TMEM74: variants seen among roughly 807,000 people sequenced by gnomAD.
TMEM74 encodes the protein transmembrane protein 74.
In TMEM74, 13 loss-of-function variants were observed where a neutral mutation model predicts 18.1. The ratio of observed to expected loss-of-function variants is 0.72; its 90% CI spans 0.47 to 1.14. The LOEUF (loss-of-function observed/expected upper bound fraction) is 1.14, where lower values mean the gene tolerates loss of function less well. Ranked by LOEUF, TMEM74 falls within the 50% of genes most tolerant of loss-of-function variation. TMEM74 has a pLI of 0.00. For missense variants in TMEM74, 372 were observed against 375.9 expected (o/e 0.99, Z 0.09); for synonymous variants, 159 against 146.6 (o/e 1.08, Z -0.61).
intron 2 of TMEM74, among the ~76,000 whole-genome samples, chr8:108,613,752 A>T (rs1812357385): frequency 6.6e-6 from 1 of 152,188 alleles, no homozygotes; most frequent in African/African-American, 2.4e-5. Flanking sequence ...TTGGCTTTTC[A>T]TCTTGGCTAG....
At chr8:108,631,633 A>C (rs1032904574) in intron 2 of TMEM74, among the ~76,000 whole-genome samples, 1 of 152,014 alleles carries the variant, frequency 6.6e-6, no homozygotes, top group Non-Finnish European at 1.5e-5. Context: ...TGTCGGATGC[A>C]TAGTTTGCAA....
chr8:108,726,326 T>C (rs1365416514), intron 1 of TMEM74, among the ~76,000 whole-genome samples: 1 of 152,166 alleles, frequency 6.6e-6, no homozygotes, highest in Admixed American at 6.6e-5. Flanking sequence ...AGTTTATGTG[T>C]CACTTGGAAA....
Position 108,784,561 on chromosome 8 carries a change from T to C in TMEM74, c.538A>G (p.Ser180Gly). ...CCAGTGACCAAGAACAAGATGGCGC[T>C]GATGAAACCATAGTCTATAGACTTC... ...SGKSIDYGFISAILFLVTGIL... is the reference protein window; with the variant it reads ...SGKSIDYGFIGAILFLVTGIL... The change falls in exon 2 of 2, where the codon AGC becomes GGC. Residue 180 changes from serine to glycine, a missense_variant. Physicochemically the swap from Ser to Gly is moderately conservative, Grantham distance 56. Transcript: ENST00000297459. 1 of 1,614,142 alleles carries C rather than the reference T, an allele frequency of 6.2e-7. No individual in the cohort carries two copies. Among genetic ancestry groups the C allele is most frequent in the Non-Finnish European group, 8.5e-7 (1 of 1,180,030 alleles).
At chr8:108,713,523 G>C (rs981043428) in intron 1 of TMEM74, among the ~76,000 whole-genome samples, 1 of 152,126 alleles carries the variant, frequency 6.6e-6, no homozygotes, top group Non-Finnish European at 1.5e-5. Context: ...ATGATACATG[G>C]ATTCAGCTAT....
At chr8:108,678,217 T>C (rs1309941986) in intron 1 of TMEM74, among the ~76,000 whole-genome samples, 1 of 152,196 alleles carries the variant, frequency 6.6e-6, no homozygotes, top group Non-Finnish European at 1.5e-5. Context: ...GGATATTAGG[T>C]GAAAAGTGCA....
chr8:108,748,664 C>T (rs1175827756), intron 1 of TMEM74, among the ~76,000 whole-genome samples: 1 of 149,196 alleles, frequency 6.7e-6, no homozygotes, highest in Non-Finnish European at 1.5e-5. Context: ...TATGGTATTG[C>T]CATAGGTTTT....
intron 1 of TMEM74, among the ~76,000 whole-genome samples, chr8:108,722,111 G>C (rs1298138974): frequency 2.0e-5 from 3 of 152,164 alleles, no homozygotes; most frequent in African/African-American, 7.2e-5. Context: ...TTAAGACTAT[G>C]ATCAATTTGG....
Position 108,784,693 on chromosome 8 carries a change from G to C in TMEM74, c.406C>G (p.Pro136Ala). 6.2e-7 allele frequency: 1 copy of C among 1,614,150 alleles called. No individual in the cohort carries two copies. The highest frequency in any genetic ancestry group is 2.2e-5 in the East Asian group (1 of 44,878). Residue 136 changes from proline (P) to alanine (A), a missense_variant, in exon 2 of 2, where the codon CCT (proline) becomes GCT (alanine). Coordinates refer to ENST00000297459, the MANE Select transcript of TMEM74 (RefSeq NM_153015.3). ...GGATTTTCCCAGCCAAGCTCCCCAG[G>C]GTGATTATGCCCTTTTGCTGATGGC... ...SSPSAKGHNH[P>A]GELGWENPNE...
chr8:108,674,677 C>A (rs1046571819), intron 1 of TMEM74, among the ~76,000 whole-genome samples: 1 of 152,144 alleles, frequency 6.6e-6, no homozygotes, highest in Admixed American at 6.5e-5. Context: ...ATTAACATGT[C>A]ACTTGGACCA....
chr8:108,628,313 A>G (rs1812516456), intron 2 of TMEM74, among the ~76,000 whole-genome samples: 1 of 152,036 alleles, frequency 6.6e-6, no homozygotes, highest in Non-Finnish European at 1.5e-5. Flanking sequence ...AACCTAGAAC[A>G]CTTCAGGAAC....
At chr8:108,759,714 G>C (rs752646162) in intron 1 of TMEM74, among the ~76,000 whole-genome samples, 1 of 152,136 alleles carries the variant, frequency 6.6e-6, no homozygotes, top group African/African-American at 2.4e-5. Flanking sequence ...AAAATATTTG[G>C]AAGTTTACAT....
chr8:108,731,079 A>G (rs917660989), intron 1 of TMEM74, among the ~76,000 whole-genome samples: 3 of 152,004 alleles, frequency 2.0e-5, no homozygotes, highest in African/African-American at 7.2e-5. Context: ...TTATTTTCAT[A>G]TCTTTTTCAT....
chr8:108,641,279 C>T (rs1812662717), intron 2 of TMEM74, among the ~76,000 whole-genome samples: 1 of 152,076 alleles, frequency 6.6e-6, no homozygotes, highest in Non-Finnish European at 1.5e-5. Context: ...AATATATACT[C>T]ATTACAGACA....
At chr8:108,630,489 T>C (rs1328714662) in intron 2 of TMEM74, among the ~76,000 whole-genome samples, 2 of 152,076 alleles carry the variant, frequency 1.3e-5, no homozygotes, top group Non-Finnish European at 2.9e-5. Flanking sequence ...CTAATAGACA[T>C]GTACAGAACT....
At chr8:108,751,469 A>G (rs1449328722) in intron 1 of TMEM74, among the ~76,000 whole-genome samples, 5 of 152,076 alleles carry the variant, frequency 3.3e-5, no homozygotes, top group Non-Finnish European at 7.4e-5. Flanking sequence ...TCAAGATTAT[A>G]TATTTAGAAA....
intron 1 of TMEM74, among the ~76,000 whole-genome samples, chr8:108,771,446 CA>C (rs950755162): frequency 5.4e-4 from 82 of 152,104 alleles, no homozygotes; most frequent in African/African-American, 1.9e-3. Flanking sequence ...TAACAAAATA[CA>C]AAAAAATTAT....
chr8:108,706,383 C>T (rs1016344433), intron 1 of TMEM74, among the ~76,000 whole-genome samples: 12 of 152,186 alleles, frequency 7.9e-5, no homozygotes, highest in Admixed American at 5.2e-4. Flanking sequence ...CATGCTTCCT[C>T]ATAGGGTCTT....
downstream of TMEM74, among the ~76,000 whole-genome samples, chr8:108,775,763 G>A (rs543500124): frequency 6.6e-5 from 10 of 152,158 alleles, no homozygotes; most frequent in South Asian, 2.1e-4. Context: ...TATTCTGTTC[G>A]CAATCAAGAA....
At chr8:108,733,311 G>A (rs1349779949) in intron 1 of TMEM74, among the ~76,000 whole-genome samples, 1 of 152,042 alleles carries the variant, frequency 6.6e-6, no homozygotes, top group Non-Finnish European at 1.5e-5. Flanking sequence ...CAGTGGAAAA[G>A]CCATTAAAAT....
Sources: gnomAD v4.1 joint callset for allele counts (sites outside exome capture counted in the v4.1 genomes callset) on GRCh38, gnomAD v4.1.1 for gene constraint, MANE v1.5 for transcripts, NCBI Gene and HGNC (gene_info 2026-07-23, HGNC 2026-07-21) for gene names.